Variants in RALGPS1 observed in about 807,000 individuals in gnomAD.
RALGPS1 encodes Ral GEF with PH domain and SH3 binding motif 1, also known as ras-specific guanine nucleotide-releasing factor RalGPS1.
In RALGPS1, 19 loss-of-function variants were observed where a neutral mutation model predicts 78.8. The observed-to-expected ratio is 0.24, with a 90% CI of 0.17 to 0.35. RALGPS1 has a LOEUF of 0.35. RALGPS1 is among the 10% of genes least tolerant of loss of function. The pLI is 1.00. For missense variants in RALGPS1, 454 were observed against 688.3 expected (o/e 0.66, Z 3.81); for synonymous variants, 228 against 256.3 (o/e 0.89, Z 1.06).
At chr9:126,993,646 AT>A (rs758796018) in intron 4 of RALGPS1, among the ~76,000 whole-genome samples, 4 of 151,848 alleles carry the variant, frequency 2.6e-5, no homozygotes, top group Non-Finnish European at 5.9e-5. Flanking sequence ...AAGATGGGTG[AT>A]TTCTGCATTT....
At chr9:126,946,303 A>G (rs1348714979) in intron 1 of RALGPS1, among the ~76,000 whole-genome samples, 1 of 152,166 alleles carries the variant, frequency 6.6e-6, no homozygotes, top group Non-Finnish European at 1.5e-5. Flanking sequence ...GGAGGCCGAG[A>G]TGGGCAGATC....
chr9:126,915,672 A>G (rs1256572554), intron 1 of RALGPS1, among the ~76,000 whole-genome samples: 1 of 150,918 alleles, frequency 6.6e-6, no homozygotes, highest in African/African-American at 2.4e-5. Flanking sequence ...TGCCCTGGTT[A>G]CTGGCCGGTT....
chr9:127,196,827 G>A (rs1046320174), intron 13 of RALGPS1, among the ~76,000 whole-genome samples, 196 bp downstream of exon 13: 1 of 152,202 alleles, frequency 6.6e-6, no homozygotes, highest in South Asian at 2.1e-4. Context: ...TCCTAGCCTC[G>A]TGGGCTTCAT....
At chr9:127,132,921 T>C (rs1803885799) in intron 8 of RALGPS1, among the ~76,000 whole-genome samples, 1 of 152,240 alleles carries the variant, frequency 6.6e-6, no homozygotes, top group Non-Finnish European at 1.5e-5. Flanking sequence ...GACTGTGGGC[T>C]CTGGAACCAG....
At chr9:126,963,196 G>T (rs778918457) in intron 2 of RALGPS1, among the ~76,000 whole-genome samples, 1 of 152,202 alleles carries the variant, frequency 6.6e-6, no homozygotes, top group South Asian at 2.1e-4. Flanking sequence ...ATGATTGTGT[G>T]TGTTTGGGGC....
chr9:126,946,331 C>T (rs1360627092), intron 1 of RALGPS1, among the ~76,000 whole-genome samples: 1 of 152,092 alleles, frequency 6.6e-6, no homozygotes, highest in African/African-American at 2.4e-5. Flanking sequence ...GTCAGGAGTT[C>T]GAGACCATCC....
At chr9:127,031,145 C>G (rs1026111278) in intron 4 of RALGPS1, among the ~76,000 whole-genome samples, 5 of 152,240 alleles carry the variant, frequency 3.3e-5, no homozygotes. Context: ...CATCCCAAAC[C>G]CTTGTCTCCC....
chr9:127,130,052 C>T (rs1238333812), intron 8 of RALGPS1, among the ~76,000 whole-genome samples: 1 of 152,172 alleles, frequency 6.6e-6, no homozygotes, highest in Non-Finnish European at 1.5e-5. Context: ...AGATAGGAAG[C>T]GAGTGAGGAC....
intron 4 of RALGPS1, among the ~76,000 whole-genome samples, chr9:127,001,051 G>T (rs962243073): frequency 4.0e-5 from 6 of 151,220 alleles, no homozygotes; most frequent in African/African-American, 1.5e-4. Context: ...GAGGTGGGTG[G>T]GTTGCTTGAG....
intron 17 of RALGPS1, among the ~76,000 whole-genome samples, chr9:127,213,313 G>A (rs1409709616): frequency 6.6e-6 from 1 of 152,218 alleles, no homozygotes. Context: ...CACTCCAGGA[G>A]CTGTAGTCTT....
chr9:127,220,905 C>A lies in RALGPS1; in HGVS notation c.*2136C>A, dbSNP rs191916441. 1 of 152,734 alleles carries A rather than the reference C, an allele frequency of 6.5e-6. No individual in the cohort carries two copies. Among genetic ancestry groups the A allele is most frequent in the Non-Finnish European group, 1.5e-5 (1 of 68,014 alleles). The allele number at this position is 152,734 out of a possible 1,614,324, so 9.5% of individuals were successfully genotyped here. A position where few individuals can be genotyped will look rare whatever the true frequency, so the allele number is the denominator to read the frequency against. The stretch of plus-strand genomic sequence containing the variant: ...TCTATCCCTTATAAGTTTGTCTTTT[C>A]TTTCAGAAACATCTCTTAGCCTAAT... On this transcript the variant is annotated 3_prime_UTR_variant, in exon 19 of 19. Coordinates refer to ENST00000259351, the MANE Select transcript of RALGPS1 (RefSeq NM_014636.3).
intron 8 of RALGPS1, among the ~76,000 whole-genome samples, chr9:127,103,775 T>TA (rs2053959447): frequency 6.6e-6 from 1 of 152,130 alleles, no homozygotes; most frequent in African/African-American, 2.4e-5. Flanking sequence ...TACCAGGAAG[T>TA]AGAGCTAGAA....
Position 127,188,832 on chromosome 9 carries a change from T to TAAAAAAAAAAAAAAAAAA in RALGPS1, c.911-6242_911-6241insAAAAAAAAAAAAAAAAAA, listed in dbSNP as rs202172226. On this transcript the variant is annotated intron_variant, in intron 11 of 18. Coordinates refer to ENST00000259351, the MANE Select transcript of RALGPS1 (RefSeq NM_014636.3). ...AAAGACTAAGAAACCCCATCTCTAC[T>TAAAAAAAAAAAAAAAAAA]AAAAAAAAAAAAAAAAATGTAGCCA... Among the ~76,000 whole-genome samples the TAAAAAAAAAAAAAAAAAA allele has an allele frequency of 2.1e-4, 18 of 87,470 alleles. 1 individual carries two copies. The East Asian group carries it at 6.1e-3, about 30-fold the overall frequency. 57.4% of individuals were successfully genotyped at this position (87,470 alleles called of 152,430 possible). A position where few individuals can be genotyped will look rare whatever the true frequency, so the allele number is the denominator to read the frequency against.
At chr9:127,034,586 C>G in intron 5 of RALGPS1, 72 bp downstream of exon 5, 1 of 1,367,428 alleles carries the variant, frequency 7.3e-7, no homozygotes, top group Non-Finnish European at 1.0e-6. Context: ...TGCGAGCCCC[C>G]ACCCAAAGCT....
At chr9:127,163,516 A>C (rs186430816) in intron 8 of RALGPS1, among the ~76,000 whole-genome samples, 4 of 152,242 alleles carry the variant, frequency 2.6e-5, no homozygotes, top group East Asian at 1.9e-4. Flanking sequence ...AAGTATTAGC[A>C]TATGTTTCTG....
At chr9:127,127,900 A>G (rs1401177262) in intron 8 of RALGPS1, among the ~76,000 whole-genome samples, 2 of 152,152 alleles carry the variant, frequency 1.3e-5, no homozygotes, top group Admixed American at 6.5e-5. Flanking sequence ...TTATACTTTA[A>G]GTTCTGGGGT....
At chr9:127,072,474 C>T (rs753689284) in intron 8 of RALGPS1, among the ~76,000 whole-genome samples, 7 of 152,150 alleles carry the variant, frequency 4.6e-5, no homozygotes, top group African/African-American at 1.2e-4. Flanking sequence ...CTTGGCCTCC[C>T]GATATCCATT....
intron 3 of RALGPS1, among the ~76,000 whole-genome samples, chr9:126,974,586 T>C (rs897566872): frequency 1.3e-5 from 2 of 152,114 alleles, no homozygotes; most frequent in African/African-American, 4.8e-5. Flanking sequence ...AAGCCTGGGT[T>C]TTTAGAGGGC....
chr9:127,188,179 A>C (rs1263504603), intron 11 of RALGPS1, among the ~76,000 whole-genome samples: 2 of 148,764 alleles, frequency 1.3e-5, no homozygotes, highest in Non-Finnish European at 3.0e-5. Context: ...CTCCTGCCTC[A>C]GCCTCCTGAG....
Sources: gnomAD v4.1 joint callset for allele counts (sites outside exome capture counted in the v4.1 genomes callset) on GRCh38, gnomAD v4.1.1 for gene constraint, MANE v1.5 for transcripts, NCBI Gene and HGNC (gene_info 2026-07-23, HGNC 2026-07-21) for gene names.